Variants in TBCK observed in about 807,000 individuals in gnomAD.
The protein encoded by TBCK is TBC1 domain containing kinase, also known as TBC domain-containing protein kinase-like protein.
TBCK carries 99 observed loss-of-function variants against 113.4 expected under a neutral mutation model. That is an observed-to-expected ratio of 0.87 (90% CI 0.74 to 1.03). The LOEUF is 1.03. TBCK is among the 50% of genes least tolerant of loss of function. TBCK has a pLI of 0.00. For synonymous variants in TBCK, 369 were observed against 370.8 expected, an observed-to-expected ratio of 1.00 and a Z score of 0.05; for missense variants, 1,045 against 1,061.3, an observed-to-expected ratio of 0.98 and a Z score of 0.21.
At chr4:106,315,567 G>A (rs1768720710) in intron 1 of TBCK, 1 of 152,190 alleles carries the variant, frequency 6.6e-6, no homozygotes, top group Non-Finnish European at 1.5e-5. Context: ...GCTCAAGGGG[G>A]TGTTACACTT....
intron 22 of TBCK, among the ~76,000 whole-genome samples, chr4:106,173,004 T>C (rs1412963968): frequency 6.6e-6 from 1 of 152,134 alleles, no homozygotes; most frequent in Non-Finnish European, 1.5e-5. Flanking sequence ...ATTTGGAATA[T>C]GAAAAGATAG....
intron 25 of TBCK, among the ~76,000 whole-genome samples, chr4:106,048,471 T>C (rs1734453965): frequency 6.6e-6 from 1 of 152,102 alleles, no homozygotes; most frequent in Admixed American, 6.6e-5. Flanking sequence ...TCAAGTGAGC[T>C]GGTGTGAGCT....
chr4:106,152,865 A>C (rs1447230579), intron 23 of TBCK, among the ~76,000 whole-genome samples: 1 of 152,002 alleles, frequency 6.6e-6, no homozygotes, highest in East Asian at 1.9e-4. Flanking sequence ...ATTTATTGGC[A>C]TATAGTTGCT....
chr4:106,126,909 A>C (rs1745281689), intron 23 of TBCK, among the ~76,000 whole-genome samples: 2 of 152,212 alleles, frequency 1.3e-5, no homozygotes, highest in Admixed American at 1.3e-4. Context: ...ACTGTGCTCT[A>C]ATTAACTGAA....
intron 20 of TBCK, among the ~76,000 whole-genome samples, chr4:106,195,971 T>C (rs1754186166): frequency 6.7e-6 from 1 of 149,350 alleles, no homozygotes; most frequent in African/African-American, 2.4e-5. Context: ...GTACTCTTAA[T>C]TGTATTTTTA....
chr4:106,238,601 T>G (rs1403047180), intron 12 of TBCK: 1 of 152,076 alleles, frequency 6.6e-6, no homozygotes, highest in African/African-American at 2.4e-5. Flanking sequence ...AGGTACCTAT[T>G]TCAGCTTTGG....
intron 2 of TBCK, among the ~76,000 whole-genome samples, chr4:106,295,388 G>A (rs1221927476): frequency 6.6e-6 from 1 of 151,958 alleles, no homozygotes; most frequent in East Asian, 1.9e-4. Flanking sequence ...TTCCTCTAGA[G>A]TTTTTCTTAC....
At chr4:106,239,274 G>A (rs1396694304) in intron 12 of TBCK, among the ~76,000 whole-genome samples, 1 of 152,044 alleles carries the variant, frequency 6.6e-6, no homozygotes, top group Non-Finnish European at 1.5e-5. Context: ...GGGAGAAGCT[G>A]AGAAGCCTTG....
At chr4:106,290,532 A>G (rs1377099676) in intron 3 of TBCK, among the ~76,000 whole-genome samples, 1 of 152,226 alleles carries the variant, frequency 6.6e-6, no homozygotes, top group Admixed American at 6.5e-5. Context: ...CAAAAATTAT[A>G]ACTATAAAAA....
intron 19 of TBCK, among the ~76,000 whole-genome samples, chr4:106,222,872 A>T (rs1323798209): frequency 6.6e-6 from 1 of 152,150 alleles, no homozygotes; most frequent in Non-Finnish European, 1.5e-5. Flanking sequence ...AGTGGAAAGA[A>T]GGGGTTCAAA....
chr4:106,239,110 G>A (rs551015459), intron 12 of TBCK, among the ~76,000 whole-genome samples: 2 of 152,004 alleles, frequency 1.3e-5, no homozygotes, highest in African/African-American at 4.8e-5. Flanking sequence ...GAAACTCTTC[G>A]GTCAGGTCTT....
rs186319084 is a variant in TBCK, at chr4:106,301,070, T to C, written c.194-5904A>G. On this transcript the variant is annotated intron_variant, in intron 2 of 25. Coordinates refer to ENST00000394708, the MANE Select transcript of TBCK (RefSeq NM_001163435.3). ...AGCTTGTCCTTCTTGAAGACCTGCC[T>C]CATGGATTTCAAACTTGCCTAGCAG... is the stretch of plus-strand genomic sequence containing the variant. Among the ~76,000 whole-genome samples the C allele has an allele frequency of 5.0e-3, 759 of 152,228 alleles. 4 individuals carry two copies. The highest frequency in any genetic ancestry group is 0.018 in the African/African-American group (730 of 41,562).
intron 22 of TBCK, among the ~76,000 whole-genome samples, chr4:106,185,053 G>C (rs181121618): frequency 2.6e-5 from 4 of 152,098 alleles, no homozygotes; most frequent in Admixed American, 2.0e-4. Context: ...ACTTCACGGT[G>C]AATCAGAACA....
chr4:106,163,709 C>T (rs1750054931), intron 23 of TBCK: 1 of 152,092 alleles, frequency 6.6e-6, no homozygotes, highest in African/African-American at 2.4e-5. Flanking sequence ...AACTCACTCA[C>T]TATTATGAGA....
At chr4:106,311,029 CA>C (rs1768143450) in intron 1 of TBCK, among the ~76,000 whole-genome samples, 1 of 151,938 alleles carries the variant, frequency 6.6e-6, no homozygotes, top group African/African-American at 2.4e-5. Flanking sequence ...ATTAAAACCA[CA>C]AAAAATTTTT....
chr4:106,235,452 A>G, intron 14 of TBCK, 85 bp from the exon 15 acceptor site: 1 of 781,164 alleles, frequency 1.3e-6, no homozygotes, highest in Non-Finnish European at 1.9e-6. Flanking sequence ...TACCCATGAT[A>G]AAACTTAAGT....
intron 5 of TBCK, among the ~76,000 whole-genome samples, chr4:106,254,730 C>A (rs1163229927): frequency 6.6e-6 from 1 of 152,016 alleles, no homozygotes; most frequent in African/African-American, 2.4e-5. Context: ...GCCCTGTTCC[C>A]TTTATTGAAA....
At chr4:106,178,605 A>G (rs1386101731) in intron 22 of TBCK, among the ~76,000 whole-genome samples, 1 of 151,922 alleles carries the variant, frequency 6.6e-6, no homozygotes, top group Non-Finnish European at 1.5e-5. Context: ...CTGTTAAGTG[A>G]TGTAGCATGT....
intron 23 of TBCK, among the ~76,000 whole-genome samples, chr4:106,131,006 A>T (rs1192972924): frequency 6.6e-6 from 1 of 152,170 alleles, no homozygotes; most frequent in Non-Finnish European, 1.5e-5. Flanking sequence ...GTCCCCCCCA[A>T]ATCTCACCTT....
Sources: allele counts gnomAD v4.1 joint callset (sites outside exome capture counted in the v4.1 genomes callset), GRCh38; gene constraint gnomAD v4.1.1; transcripts MANE v1.5; gene names NCBI Gene and HGNC (gene_info 2026-07-23, HGNC 2026-07-21).